The following TBC1D19 variants were observed in gnomAD, a reference collection of about 807,000 sequenced individuals.
TBC1D19 encodes TBC1 domain family member 19, also known as TBC1 domain family, member 19.
In TBC1D19, 60 loss-of-function variants were observed where a neutral mutation model predicts 89.0. The observed-to-expected ratio is 0.67, with a 90% CI of 0.55 to 0.84. The LOEUF is 0.84. Among genes scored for constraint, TBC1D19 ranks in the 40% least tolerant of loss-of-function variants. TBC1D19 has a pLI of 0.00. For synonymous variants in TBC1D19, 189 were observed against 199.7 expected, an observed-to-expected ratio of 0.95 and a Z score of 0.45; for missense variants, 500 against 610.8, an observed-to-expected ratio of 0.82 and a Z score of 1.91.
At chr4:26,667,576 T>C (rs371290032) in intron 9 of TBC1D19, among the ~76,000 whole-genome samples, 2 of 152,194 alleles carry the variant, frequency 1.3e-5, no homozygotes, top group African/African-American at 4.8e-5. Flanking sequence ...ATACCACACA[T>C]TTATTTATCT....
chr4:26,847,819 A>G, the TBC1D19 span, among the ~76,000 whole-genome samples: 1 of 152,220 alleles, frequency 6.6e-6, no homozygotes, highest in Non-Finnish European at 1.5e-5. Flanking sequence ...AAAAGATCAG[A>G]TGACTTTTCT....
the TBC1D19 span, among the ~76,000 whole-genome samples, chr4:26,788,403 C>A: frequency 6.6e-6 from 1 of 152,138 alleles, no homozygotes; most frequent in African/African-American, 2.4e-5. Context: ...TTGTAAACTG[C>A]AAAATTAGGT....
At position 26,677,899 on chromosome 4, in the gene TBC1D19, T is replaced by C. The variant is rs1202545349; in HGVS notation, c.816+4011T>C. Among the ~76,000 whole-genome samples, 3 of 152,206 alleles carry C rather than the reference T, an allele frequency of 2.0e-5. No individual in the cohort carries two copies. The East Asian group carries it at 5.8e-4, about 29-fold the overall frequency. On this transcript the variant is annotated intron_variant, in intron 11 of 20. Coordinates refer to ENST00000264866, the MANE Select transcript of TBC1D19 (RefSeq NM_018317.4). The stretch of plus-strand genomic sequence containing the variant: ...CAGCCATGTGGAACCGTGAGTCAAT[T>C]AAACCTCTTTCCTTTATAAATTATC...
the TBC1D19 span, among the ~76,000 whole-genome samples, chr4:26,837,652 G>A: frequency 6.6e-6 from 1 of 152,204 alleles, no homozygotes; most frequent in South Asian, 2.1e-4. Flanking sequence ...GGGCAAAGAA[G>A]CTGAGGCTAC....
chr4:26,680,793 G>A (rs963766241), intron 11 of TBC1D19, among the ~76,000 whole-genome samples: 40 of 152,084 alleles, frequency 2.6e-4, no homozygotes, highest in African/African-American at 8.0e-4. Flanking sequence ...AGTTCACCCT[G>A]TTTTCTTAGC....
the TBC1D19 span, among the ~76,000 whole-genome samples, chr4:26,830,879 G>A: frequency 2.0e-5 from 3 of 152,148 alleles, no homozygotes; most frequent in Admixed American, 1.3e-4. Flanking sequence ...AGACCTCTGC[G>A]AGCTCTTGAA....
chr4:26,739,933 G>GT lies in TBC1D19; in HGVS notation c.1193dup (p.Phe399LeufsTer21). 2 of 1,595,606 alleles carry GT rather than the reference G, an allele frequency of 1.3e-6. No individual in the cohort carries two copies. Among genetic ancestry groups the GT allele is most frequent in the South Asian group, 1.1e-5 (1 of 87,984 alleles). ...CAGATATTCCGTGAGATGTATGTGC[G>GT]TTTTTTCTTCAGACTCCATTCCATC... On this transcript the variant is annotated frameshift_variant, in exon 17 of 21. Transcript: ENST00000264866. LOFTEE classifies it high-confidence loss of function.
At chr4:26,782,639 T>C in the TBC1D19 span, among the ~76,000 whole-genome samples, 1 of 152,224 alleles carries the variant, frequency 6.6e-6, no homozygotes, top group Non-Finnish European at 1.5e-5. Flanking sequence ...AGATTGCTTT[T>C]GACATTGGCA....
At chr4:26,716,109 T>C (rs1382359345) in intron 13 of TBC1D19, among the ~76,000 whole-genome samples, 2 of 152,134 alleles carry the variant, frequency 1.3e-5, no homozygotes, top group African/African-American at 4.8e-5. Context: ...ATAATGTAAT[T>C]ATCTATCATA....
chr4:26,723,874 C>T (rs934197306), intron 15 of TBC1D19, among the ~76,000 whole-genome samples: 1 of 152,126 alleles, frequency 6.6e-6, no homozygotes, highest in Non-Finnish European at 1.5e-5. Context: ...AGTCAATCAT[C>T]AGTCAATCAA....
the TBC1D19 span, among the ~76,000 whole-genome samples, chr4:26,773,479 A>G: frequency 6.6e-6 from 1 of 152,146 alleles, no homozygotes; most frequent in Non-Finnish European, 1.5e-5. Context: ...ATTAGATCCT[A>G]TTTGTCAATT....
intron 4 of TBC1D19, among the ~76,000 whole-genome samples, chr4:26,629,704 G>C (rs887434509): frequency 1.4e-4 from 21 of 151,848 alleles, no homozygotes; most frequent in African/African-American, 5.1e-4. Flanking sequence ...ATGACATGCT[G>C]TTTCCAAAAG....
At chr4:26,799,497 C>T in the TBC1D19 span, among the ~76,000 whole-genome samples, 288 of 152,260 alleles carry the variant, frequency 1.9e-3, no homozygotes, top group African/African-American at 6.6e-3. Context: ...CTAAGTCCTA[C>T]GATCTGAATT....
At chr4:26,659,560 A>C in intron 7 of TBC1D19, 37 bp from the exon 8 acceptor site, 1 of 1,405,950 alleles carries the variant, frequency 7.1e-7, no homozygotes, top group Admixed American at 1.7e-5. Context: ...ACATCCTGGA[A>C]AGAAACTAAC....
At chr4:26,776,956 G>A in the TBC1D19 span, among the ~76,000 whole-genome samples, 1 of 151,918 alleles carries the variant, frequency 6.6e-6, no homozygotes, top group Non-Finnish European at 1.5e-5. Flanking sequence ...TTCATCGTGT[G>A]CTCTTTCAAT....
intron 13 of TBC1D19, among the ~76,000 whole-genome samples, chr4:26,691,192 A>G (rs1025234472): frequency 1.3e-5 from 2 of 152,224 alleles, no homozygotes; most frequent in Non-Finnish European, 2.9e-5. Context: ...TCTCATCATA[A>G]AACTTACATG....
intron 15 of TBC1D19, among the ~76,000 whole-genome samples, chr4:26,734,986 A>ATGTATATATGTATACACATATGTATG (rs1560503858): frequency 6.6e-6 from 1 of 150,472 alleles, no homozygotes; most frequent in African/African-American, 2.4e-5. Context: ...ACATATGTAT[A>ATGTATATATGTATACACATATGTATG]TGTATATATG....
At chr4:26,585,745 A>G (rs1286717992) in intron 1 of TBC1D19, among the ~76,000 whole-genome samples, 1 of 151,958 alleles carries the variant, frequency 6.6e-6, no homozygotes, top group Non-Finnish European at 1.5e-5. Flanking sequence ...CACCATGCCC[A>G]GCTAATTTTT....
the TBC1D19 span, among the ~76,000 whole-genome samples, chr4:26,764,342 C>T: frequency 6.6e-6 from 1 of 152,242 alleles, no homozygotes; most frequent in South Asian, 2.1e-4. Flanking sequence ...CACTGCTCCT[C>T]TATTCCCTGA....
Sources: gnomAD v4.1 joint callset for allele counts (sites outside exome capture counted in the v4.1 genomes callset) on GRCh38, gnomAD v4.1.1 for gene constraint, MANE v1.5 for transcripts, NCBI Gene and HGNC (gene_info 2026-07-23, HGNC 2026-07-21) for gene names.